Variants in SNTG2 observed in about 807,000 individuals in gnomAD.
The protein encoded by SNTG2 is syntrophin gamma 2, also known as gamma-2-syntrophin.
A neutral mutation model predicts 70.9 loss-of-function variants in SNTG2; 74 were observed. The ratio of observed to expected loss-of-function variants is 1.04; its 90% confidence interval spans 0.86 to 1.27. The LOEUF (loss-of-function observed/expected upper bound fraction) is 1.27, where lower values mean the gene tolerates loss of function less well. Ranked by LOEUF, SNTG2 falls within the 50% of genes most tolerant of loss-of-function variation. The pLI is 0.00. For missense variants in SNTG2, 717 were observed against 690.7 expected (o/e 1.04, Z -0.43); for synonymous variants, 278 against 273.8 (o/e 1.02, Z -0.15).
At chr2:1,333,078 A>G (rs1659614749) in intron 16 of SNTG2, among the ~76,000 whole-genome samples, 1 of 152,234 alleles carries the variant, frequency 6.6e-6, no homozygotes, top group Non-Finnish European at 1.5e-5. Context: ...GAAAGCTCCT[A>G]GATCTGATAA....
At chr2:1,281,216 T>TATTTG in intron 14 of SNTG2, among the ~76,000 whole-genome samples, 1 of 85,046 alleles carries the variant, frequency 1.2e-5, no homozygotes, top group African/African-American at 5.0e-5. Context: ...GTGGTGTGTG[T>TATTTG]GTGTTTGTGT....
chr2:1,190,822 C>T (rs753425582), intron 8 of SNTG2, among the ~76,000 whole-genome samples: 45 of 152,006 alleles, frequency 3.0e-4, no homozygotes, highest in Non-Finnish European at 4.6e-4. Context: ...AATGCTGCCA[C>T]GATGTGTATT....
intron 7 of SNTG2, 144 bp from the exon 8 acceptor site, chr2:1,172,948 G>A (rs1473229368): frequency 1.4e-6 from 1 of 692,874 alleles, no homozygotes; most frequent in African/African-American, 1.8e-5. Flanking sequence ...AGAGGCCATT[G>A]GGGATGACCC....
intron 6 of SNTG2, among the ~76,000 whole-genome samples, chr2:1,141,003 A>C (rs1668713365): frequency 6.6e-6 from 1 of 152,242 alleles, no homozygotes; most frequent in Admixed American, 6.5e-5. Context: ...AACTGTTAGA[A>C]ATAAAGTTGA....
At chr2:1,183,915 A>T (rs2147920336) in intron 8 of SNTG2, among the ~76,000 whole-genome samples, 1 of 152,288 alleles carries the variant, frequency 6.6e-6, no homozygotes, top group Non-Finnish European at 1.5e-5. Context: ...GGTGCTTTCT[A>T]CTTCTGGTAG....
intron 4 of SNTG2, among the ~76,000 whole-genome samples, chr2:1,116,113 G>A (rs1265026948): frequency 6.6e-6 from 1 of 152,198 alleles, no homozygotes; most frequent in East Asian, 1.9e-4. Flanking sequence ...ACACAATGGG[G>A]ATGTAATCGT....
At chr2:1,016,488 G>C (rs1278233041) in intron 1 of SNTG2, among the ~76,000 whole-genome samples, 1 of 152,288 alleles carries the variant, frequency 6.6e-6, no homozygotes, top group East Asian at 1.9e-4. Context: ...TGATCCGCCC[G>C]CCTCAGCCTC....
In SNTG2 at chr2:1,127,286, T is replaced by G. The variant is rs1215386398; in HGVS notation, c.326-10336T>G. On this transcript the variant is annotated intron_variant, in intron 4 of 16. Coordinates refer to ENST00000308624, the MANE Select transcript of SNTG2 (RefSeq NM_018968.4). ...ATCAGTTGTCTGTAGATACATGGAT[T>G]AATATCTGGGATACTTATCTTGTTT... Among the ~76,000 whole-genome samples, 3 of 152,166 alleles carry G rather than the reference T, an allele frequency of 2.0e-5. No individual in the cohort carries two copies. In the East Asian group the frequency reaches 5.8e-4, roughly 29 times the overall value.
intron 16 of SNTG2, among the ~76,000 whole-genome samples, chr2:1,325,048 G>A (rs1355969762): frequency 2.0e-5 from 3 of 152,236 alleles, no homozygotes; most frequent in African/African-American, 7.2e-5. Flanking sequence ...AAGTGACCAT[G>A]CCAGTCTTTC....
intron 6 of SNTG2, among the ~76,000 whole-genome samples, chr2:1,150,915 C>T (rs1222857833): frequency 5.7e-5 from 1 of 17,550 alleles, no homozygotes; most frequent in Non-Finnish European, 2.7e-4. Context: ...CATGCGGCTG[C>T]TGAACCGAGC....
At position 1,367,526 on chromosome 2, in the gene SNTG2, T is replaced by C; in HGVS notation, c.*52T>C. 1 of 1,540,102 alleles carries C rather than the reference T, an allele frequency of 6.5e-7. No individual in the cohort carries two copies. The highest frequency in any genetic ancestry group is 8.8e-7 in the Non-Finnish European group (1 of 1,140,274). The stretch of plus-strand genomic sequence containing the variant: ...ATTAAATTATTTTCGTAAGAAATGA[T>C]TCTTTCCTGCAGAATATTGCAACTT... On this transcript the variant is annotated 3_prime_UTR_variant, in exon 17 of 17. Coordinates refer to ENST00000308624, the MANE Select transcript of SNTG2 (RefSeq NM_018968.4).
At chr2:1,148,476 G>A (rs1160113773) in intron 6 of SNTG2, among the ~76,000 whole-genome samples, 1 of 152,198 alleles carries the variant, frequency 6.6e-6, no homozygotes, top group Admixed American at 6.5e-5. Context: ...TGTGTGTTTT[G>A]TGTTAGGCCC....
chr2:953,217 T>A (rs1660035064), intron 1 of SNTG2, among the ~76,000 whole-genome samples: 1 of 152,246 alleles, frequency 6.6e-6, no homozygotes, highest in Non-Finnish European at 1.5e-5. Context: ...GCTCTGTCTC[T>A]GACCATACCT....
intron 8 of SNTG2, among the ~76,000 whole-genome samples, chr2:1,192,669 G>C (rs549833531): frequency 1.3e-5 from 2 of 152,090 alleles, no homozygotes; most frequent in African/African-American, 4.8e-5. Flanking sequence ...TTTCGAGCTT[G>C]CGTTAATCAG....
intron 4 of SNTG2, among the ~76,000 whole-genome samples, chr2:1,112,415 G>C (rs1666537223): frequency 6.6e-6 from 1 of 151,662 alleles, no homozygotes; most frequent in Non-Finnish European, 1.5e-5. Context: ...TGTATACTAA[G>C]TGAGGTTTAA....
intron 1 of SNTG2, among the ~76,000 whole-genome samples, chr2:1,070,044 G>T (rs1052993477): frequency 3.3e-5 from 5 of 152,030 alleles, no homozygotes; most frequent in African/African-American, 1.2e-4. Context: ...CAGTGTGCAG[G>T]GGGATGGAGC....
intron 9 of SNTG2, among the ~76,000 whole-genome samples, chr2:1,211,135 AG>A (rs1171720541): frequency 7.2e-5 from 11 of 152,360 alleles, no homozygotes; most frequent in African/African-American, 2.6e-4. Flanking sequence ...ATGTTTTAAC[AG>A]TTCGTGCTCT....
chr2:1,207,022 TTTA>T (rs892251657), intron 8 of SNTG2, among the ~76,000 whole-genome samples: 6 of 152,300 alleles, frequency 3.9e-5, no homozygotes, highest in African/African-American at 7.2e-5. Flanking sequence ...ATGGCACAGA[TTTA>T]TTATTGTGCA....
intron 1 of SNTG2, among the ~76,000 whole-genome samples, chr2:1,041,007 G>A (rs148835691): frequency 3.3e-5 from 5 of 152,170 alleles, no homozygotes; most frequent in East Asian, 3.8e-4. Context: ...GTTAAATTCC[G>A]GGACTGGCAG....
Sources: gnomAD v4.1 joint callset for allele counts (sites outside exome capture counted in the v4.1 genomes callset) on GRCh38, gnomAD v4.1.1 for gene constraint, MANE v1.5 for transcripts, NCBI Gene and HGNC (gene_info 2026-07-23, HGNC 2026-07-21) for gene names.